Variants in GNS observed in about 807,000 individuals in gnomAD.
GNS encodes the protein N-acetylglucosamine-6-sulfatase.
A neutral mutation model predicts 69.7 loss-of-function variants in GNS; 40 were observed. The observed-to-expected ratio is 0.57, with a 90% CI of 0.45 to 0.75. The LOEUF (loss-of-function observed/expected upper bound fraction) is 0.75, where lower values mean the gene tolerates loss of function less well. Ranked by LOEUF, GNS falls within the 30% of genes least tolerant of loss-of-function variation. The pLI is 0.00. For missense variants in GNS, 565 were observed against 685.5 expected (o/e 0.82, Z 1.96); for synonymous variants, 243 against 251.6 (o/e 0.97, Z 0.32).
chr12:64,719,166 G>A lies in GNS; in HGVS notation c.1580+856C>T, dbSNP rs962727049. ...AGCAAACAATGAACAGTCTATCATCGAGTTTTTCTACTCATTCACATTCAT... is the reference window on the plus strand; with the variant it reads ...AGCAAACAATGAACAGTCTATCATCAAGTTTTTCTACTCATTCACATTCAT... On this transcript the variant is annotated intron_variant, in intron 13 of 13. Coordinates refer to ENST00000258145, the MANE Select transcript of GNS (RefSeq NM_002076.4). Among the ~76,000 whole-genome samples, 5 of 152,218 alleles carry A rather than the reference G, an allele frequency of 3.3e-5. No homozygotes were observed. The East Asian group carries it at 9.6e-4, about 29-fold the overall frequency.
Position 64,720,017 on chromosome 12 carries a change from C to A in GNS, c.1580+5G>T, listed in dbSNP as rs1022346451. On this transcript the variant is annotated splice_donor_5th_base_variant and intron_variant, in intron 13 of 13. Transcript: ENST00000258145. ...GCCAAGTAAATGAAGAGAAAGGAAACTTACCCGGGGTCAAAAACCCCTGGA... is the reference window on the plus strand; with the variant it reads ...GCCAAGTAAATGAAGAGAAAGGAAAATTACCCGGGGTCAAAAACCCCTGGA... 3.7e-6 allele frequency: 6 copies of A among 1,610,396 alleles called. No homozygotes were observed. The highest frequency in any genetic ancestry group is 2.7e-5 in the African/African-American group (2 of 74,852).
intron 6 of GNS, among the ~76,000 whole-genome samples, chr12:64,742,790 A>G (rs2136247370): frequency 6.6e-6 from 1 of 152,292 alleles, no homozygotes; most frequent in Non-Finnish European, 1.5e-5. Context: ...CCCATGCCTC[A>G]AAGGCTAGTG....
At position 64,759,325 on chromosome 12, in the gene GNS, G is replaced by C. The variant is rs1402681492; in HGVS notation, c.-49C>G. On this transcript the variant is annotated 5_prime_UTR_variant, in exon 1 of 14. Transcript: ENST00000258145. ...CCGGGACGGGACGGGACGGAGGGAC[G>C]CACAGGTAGCTGAAGGGCGAGAGGC... The C allele has an allele frequency of 7.8e-7, 1 of 1,289,658 alleles. No individual in the cohort carries two copies. Among genetic ancestry groups the C allele is most frequent in the African/African-American group, 1.5e-5 (1 of 66,736 alleles). The allele number at this position is 1,289,658 out of a possible 1,614,324, so 79.9% of individuals were successfully genotyped here.
At chr12:64,736,976 C>A (rs374200272) in intron 9 of GNS, 28 bp downstream of exon 9, 1 of 1,116,806 alleles carries the variant, frequency 9.0e-7, no homozygotes, top group African/African-American at 1.5e-5. Flanking sequence ...GCCTACCTGT[C>A]CACAGCACCA....
chr12:64,735,457 A>T (rs1267399336), intron 9 of GNS, among the ~76,000 whole-genome samples: 1 of 152,230 alleles, frequency 6.6e-6, no homozygotes, highest in Admixed American at 6.5e-5. Context: ...ACACTCAATA[A>T]ATGTTAGCTA....
In GNS at chr12:64,744,836, A is replaced by G. The variant is rs1555163341; in HGVS notation, c.597T>C (p.Tyr199=). 2.6e-6 allele frequency: 4 copies of G among 1,547,318 alleles called. No homozygotes were observed. The highest frequency in any genetic ancestry group is 2.7e-6 in the Non-Finnish European group (3 of 1,119,080). ...NGKARKHGEN[Y]SVDYLTDVLA... Reference sequence around the variant, plus strand: ...AAACATCTGTCAGGTAGTCCACACTATAGTTTTCACCATGCTTCCGTGCCT... The same window carrying G: ...AAACATCTGTCAGGTAGTCCACACTGTAGTTTTCACCATGCTTCCGTGCCT... The change falls in exon 5 of 14, where the codon TAT becomes TAC. Residue 199 remains tyrosine, a synonymous_variant. Coordinates refer to ENST00000258145, the MANE Select transcript of GNS (RefSeq NM_002076.4).
In GNS at chr12:64,721,703, T is replaced by G. The variant is rs376356295; in HGVS notation, c.1311A>C (p.Gln437His). ...TCPSLSPGVSQCFPDCVCEDA... is the reference protein window; with the variant it reads ...TCPSLSPGVSHCFPDCVCEDA... ...CTTCACATACACAGTCTGGGAAGCA[T>G]TGCTGTAGGGATATTTCAAAAGTTA... Residue 437 changes from glutamine (Q) to histidine (H), a missense_variant and splice_region_variant, in exon 12 of 14, where the codon CAA (glutamine) becomes CAC (histidine). Gln to His is a conservative substitution (Grantham distance 24, BLOSUM62 0). Around this residue, in one of 2 missense-constraint regions of GNS, gnomAD observed 384 missense variants for 511.0 expected, o/e 0.75. Transcript: ENST00000258145. The G allele has an allele frequency of 1.4e-6, 2 of 1,428,140 alleles. No individual in the cohort carries two copies. The highest frequency in any genetic ancestry group is 2.0e-6 in the Non-Finnish European group (2 of 1,009,954). 88.5% of individuals were successfully genotyped at this position (1,428,140 alleles called of 1,614,324 possible). A position where few individuals can be genotyped will look rare whatever the true frequency, so the allele number is the denominator to read the frequency against.
In GNS at chr12:64,714,055, G is replaced by A. The variant is rs1406563431; in HGVS notation, c.*2686C>T. ...GAGGCAGGAGAACTGCTGGAACCCA[G>A]GAGGTGGAAGTTGCAGTGAGCCGAG... On this transcript the variant is annotated 3_prime_UTR_variant, in exon 14 of 14. Transcript: ENST00000258145. 1 of 152,172 alleles carries A rather than the reference G, an allele frequency of 6.6e-6. No homozygotes were observed. The highest frequency in any genetic ancestry group is 2.4e-5 in the African/African-American group (1 of 41,446). 9.4% of individuals were successfully genotyped at this position (152,172 alleles called of 1,614,324 possible). A position where few individuals can be genotyped will look rare whatever the true frequency, so the allele number is the denominator to read the frequency against.
At chr12:64,752,524 A>G (rs76024952) in intron 2 of GNS, among the ~76,000 whole-genome samples, 174 bp downstream of exon 2, 1 of 152,214 alleles carries the variant, frequency 6.6e-6, no homozygotes, top group Non-Finnish European at 1.5e-5. Flanking sequence ...TTAATCTTCA[A>G]TTGATAAGAG....
Position 64,759,161 on chromosome 12 carries a change from C to T in GNS, c.116G>A (p.Gly39Glu). 1.9e-6 allele frequency: 3 copies of T among 1,554,740 alleles called. No homozygotes were observed. The highest frequency in any genetic ancestry group is 2.4e-5 in the East Asian group (1 of 41,656). Residue 39 changes from glycine (G) to glutamate (E), a missense_variant, in exon 1 of 14, where the codon GGG (glycine) becomes GAG (glutamate). Physicochemically the swap from Gly to Glu is moderately conservative, Grantham distance 98. Around this residue, in one of 2 missense-constraint regions of GNS, gnomAD observed 181 missense variants for 174.4 expected, o/e 1.04. Coordinates refer to ENST00000258145, the MANE Select transcript of GNS (RefSeq NM_002076.4). ...GGGCCTCCGGGTTCCCGCAGCCACCCCGAAGACCCCCAGGCAGCCGCCCAG... is the reference window on the plus strand; with the variant it reads ...GGGCCTCCGGGTTCCCGCAGCCACCTCGAAGACCCCCAGGCAGCCGCCCAG... ...LVLGGCLGVFGVAAGTRRPNV... is the reference protein window; with the variant it reads ...LVLGGCLGVFEVAAGTRRPNV...
At chr12:64,720,972 T>A (rs530905823) in intron 12 of GNS, among the ~76,000 whole-genome samples, 65 of 152,344 alleles carry the variant, frequency 4.3e-4, no homozygotes, top group African/African-American at 1.4e-3. Flanking sequence ...AAAGTGCTTA[T>A]CAGCTGCAAA....
At position 64,747,931 on chromosome 12, in the gene GNS, G is replaced by C; in HGVS notation, c.253-13C>G. The C allele has an allele frequency of 6.7e-7, 1 of 1,497,516 alleles. No individual in the cohort carries two copies. The highest frequency in any genetic ancestry group is 1.7e-4 in the Middle Eastern group (1 of 5,796). The allele number at this position is 1,497,516 out of a possible 1,614,324, so 92.8% of individuals were successfully genotyped here. On this transcript the variant is annotated splice_polypyrimidine_tract_variant and intron_variant, in intron 2 of 13. Coordinates refer to ENST00000258145, the MANE Select transcript of GNS (RefSeq NM_002076.4). ...CACTTGGCACATACTACAAAGGAAA[G>C]GAAGCAAAAACGACAAAGTCACACA...
At chr12:64,735,324 C>T (rs2136243737) in intron 9 of GNS, among the ~76,000 whole-genome samples, 1 of 152,334 alleles carries the variant, frequency 6.6e-6, no homozygotes, top group Admixed American at 6.5e-5. Context: ...CAGCAAACAA[C>T]TTCTCTGCTT....
rs964447043 is a variant in GNS, at chr12:64,715,739, T to C, written c.*1002A>G. 2.6e-5 allele frequency: 4 copies of C among 152,898 alleles called. No individual in the cohort carries two copies. The highest frequency in any genetic ancestry group is 1.2e-3 in the Middle Eastern group (1 of 830). The allele number at this position is 152,898 out of a possible 1,614,324, so 9.5% of individuals were successfully genotyped here. On this transcript the variant is annotated 3_prime_UTR_variant, in exon 14 of 14. Coordinates refer to ENST00000258145, the MANE Select transcript of GNS (RefSeq NM_002076.4). Reference sequence around the variant, plus strand: ...GAAGAGAATGACAGAAAAATGCAGATAGAGCCAATGACTTCATACATGGAA... The same window carrying C: ...GAAGAGAATGACAGAAAAATGCAGACAGAGCCAATGACTTCATACATGGAA...
At chr12:64,753,739 A>T (rs1870153674) in intron 1 of GNS, among the ~76,000 whole-genome samples, 2 of 152,240 alleles carry the variant, frequency 1.3e-5, no homozygotes, top group South Asian at 4.1e-4. Context: ...AACCTACGGA[A>T]TCCATAAACT....
intron 1 of GNS, among the ~76,000 whole-genome samples, chr12:64,754,648 G>C (rs558480862): frequency 1.3e-5 from 2 of 152,246 alleles, no homozygotes; most frequent in South Asian, 4.1e-4. Flanking sequence ...CAGCACTTTA[G>C]AAGGCAGAGG....
intron 1 of GNS, among the ~76,000 whole-genome samples, chr12:64,754,169 C>T (rs974520470): frequency 2.0e-5 from 3 of 152,294 alleles, no homozygotes; most frequent in Middle Eastern, 6.8e-3. Flanking sequence ...CAGTGGTGGA[C>T]AGAGGATAGA....
chr12:64,718,545 A>C, intron 13 of GNS, among the ~76,000 whole-genome samples: 1 of 152,230 alleles, frequency 6.6e-6, no homozygotes, highest in Non-Finnish European at 1.5e-5. Flanking sequence ...ATGAATTCTA[A>C]CACTTAGAGC....
Position 64,713,571 on chromosome 12 carries a change from T to C in GNS, c.*3170A>G, listed in dbSNP as rs1364420851. On this transcript the variant is annotated 3_prime_UTR_variant, in exon 14 of 14. Transcript: ENST00000258145. ...GCAAGGGCAGAATAGGAACAGAGGA[T>C]GCAAACACAGGAAGTTACAAAATTC... is the stretch of plus-strand genomic sequence containing the variant. 6.6e-6 allele frequency: 1 copy of C among 152,628 alleles called. No homozygotes were observed. The highest frequency in any genetic ancestry group is 1.5e-5 in the Non-Finnish European group (1 of 68,044). The allele number at this position is 152,628 out of a possible 1,614,324, so 9.5% of individuals were successfully genotyped here.
Sources: gnomAD v4.1 joint callset for allele counts (sites outside exome capture counted in the v4.1 genomes callset) on GRCh38, gnomAD v4.1.1 for gene constraint, gnomAD v4.1.1 regional missense constraint, MANE v1.5 for transcripts, NCBI Gene and HGNC (gene_info 2026-07-23, HGNC 2026-07-21) for gene names.